ABLIM3: variants seen among roughly 807,000 people sequenced by gnomAD.
The protein encoded by ABLIM3 is actin binding LIM protein family member 3.
A neutral mutation model predicts 109.5 loss-of-function variants in ABLIM3; 61 were observed. The observed-to-expected ratio is 0.56, with a 90% CI of 0.45 to 0.69. The LOEUF is 0.69. Ranked by LOEUF, ABLIM3 falls within the 30% of genes least tolerant of loss-of-function variation. The pLI, the probability that ABLIM3 is intolerant of heterozygous loss-of-function variation, is 0.00. For synonymous variants in ABLIM3, 300 were observed against 324.8 expected (o/e 0.92, Z 0.82); for missense variants, 796 against 889.5 (o/e 0.89, Z 1.34).
At chr5:149,157,049 C>T (rs1011628238) in intron 2 of ABLIM3, among the ~76,000 whole-genome samples, 2 of 152,218 alleles carry the variant, frequency 1.3e-5, no homozygotes, top group African/African-American at 4.8e-5. Context: ...AGGGGTGTTA[C>T]TTCAAATAAG....
At chr5:149,239,580 A>G (rs1473668992) in intron 12 of ABLIM3, among the ~76,000 whole-genome samples, 179 bp from the exon 13 acceptor site, 1 of 152,170 alleles carries the variant, frequency 6.6e-6, no homozygotes, top group Non-Finnish European at 1.5e-5. Flanking sequence ...AAAGCCCTGG[A>G]AATTCTCTGC....
chr5:149,143,500 A>G (rs1408807156), intron 2 of ABLIM3, among the ~76,000 whole-genome samples: 2 of 151,562 alleles, frequency 1.3e-5, no homozygotes, highest in African/African-American at 4.9e-5. Flanking sequence ...AAAACCTACT[A>G]TTTCCTCACA....
At chr5:149,208,724 G>T (rs1245228032) in intron 6 of ABLIM3, among the ~76,000 whole-genome samples, 1 of 152,212 alleles carries the variant, frequency 6.6e-6, no homozygotes, top group African/African-American at 2.4e-5. Context: ...ACTGGGAAGG[G>T]GTGGCTTCCA....
intron 6 of ABLIM3, among the ~76,000 whole-genome samples, chr5:149,208,693 T>C (rs1014885451): frequency 6.6e-6 from 1 of 152,132 alleles, no homozygotes; most frequent in African/African-American, 2.4e-5. Context: ...GAGCAGCCTC[T>C]TGTGACCCAC....
intron 8 of ABLIM3, among the ~76,000 whole-genome samples, chr5:149,227,024 C>G (rs1034150866): frequency 2.1e-5 from 3 of 145,724 alleles, no homozygotes; most frequent in African/African-American, 5.2e-5. Context: ...GAGCCAAGAT[C>G]GTGCCATTGC....
intron 2 of ABLIM3, among the ~76,000 whole-genome samples, chr5:149,145,506 C>A (rs1291567728): frequency 1.3e-5 from 2 of 152,102 alleles, no homozygotes; most frequent in Non-Finnish European, 2.9e-5. Context: ...GGATATATAT[C>A]CAGTAATGGG....
At chr5:149,142,227 C>T (rs1752532227) in intron 2 of ABLIM3, 119 bp downstream of exon 2, 1 of 1,437,630 alleles carries the variant, frequency 7.0e-7, no homozygotes, top group Non-Finnish European at 9.8e-7. Flanking sequence ...ACACATGACC[C>T]CCAGGCTCTT....
intron 2 of ABLIM3, chr5:149,176,856 G>C (rs1201514960): frequency 6.6e-6 from 1 of 152,180 alleles, no homozygotes; most frequent in Non-Finnish European, 1.5e-5. Context: ...ATGACCTCCA[G>C]ACTTAGGATA....
chr5:149,197,291 T>C (rs188570016), intron 3 of ABLIM3, among the ~76,000 whole-genome samples: 4 of 152,322 alleles, frequency 2.6e-5, no homozygotes, highest in Admixed American at 2.0e-4. Context: ...CACTTGCACC[T>C]TCCTGCCTCT....
chr5:149,232,291 G>A (rs1761941160), intron 9 of ABLIM3, among the ~76,000 whole-genome samples: 1 of 152,186 alleles, frequency 6.6e-6, no homozygotes, highest in African/African-American at 2.4e-5. Flanking sequence ...GGATGACAGA[G>A]CGAGACTCTG....
intron 6 of ABLIM3, among the ~76,000 whole-genome samples, chr5:149,208,382 C>A (rs1422506769): frequency 3.8e-5 from 5 of 131,386 alleles, no homozygotes; most frequent in Admixed American, 1.4e-4. Flanking sequence ...CTCTCTCTCT[C>A]TCTCAATTTC....
At chr5:149,249,944 A>T (rs887750900) in intron 19 of ABLIM3, 100 bp downstream of exon 19, 28 of 1,405,560 alleles carry the variant, frequency 2.0e-5, no homozygotes, top group Non-Finnish European at 5.0e-6. Context: ...TACAATGTGG[A>T]TGTCCCAGCC....
intron 8 of ABLIM3, among the ~76,000 whole-genome samples, chr5:149,227,237 A>T (rs1402854044): frequency 6.6e-6 from 1 of 152,240 alleles, no homozygotes; most frequent in Non-Finnish European, 1.5e-5. Flanking sequence ...ACGATTAAAA[A>T]TGGCCTTAAT....
intron 22 of ABLIM3, 61 bp from the exon 23 acceptor site, chr5:149,252,696 C>A: frequency 7.8e-7 from 1 of 1,278,290 alleles, no homozygotes; most frequent in South Asian, 1.2e-5. Context: ...ACAAAATGTA[C>A]CTGAAAGGAA....
At chr5:149,250,293 A>C (rs1373504583) in intron 19 of ABLIM3, among the ~76,000 whole-genome samples, 154 bp from the exon 20 acceptor site, 1 of 152,164 alleles carries the variant, frequency 6.6e-6, no homozygotes, top group African/African-American at 2.4e-5. Context: ...TCAAGTTGCA[A>C]ATCTGGAGAG....
Position 149,146,077 on chromosome 5 carries a change from C to A in ABLIM3, c.13+3969C>A, listed in dbSNP as rs76841203. Among the ~76,000 whole-genome samples the A allele has an allele frequency of 8.1e-3, 1,229 of 152,246 alleles. 89 individuals are homozygous for A. In the East Asian group the frequency reaches 0.15, roughly 19 times the overall value. ...GATTATAGGCATGAGCCACTGTGCC[C>A]AGCCCACTTCTATGTCTTCTTTTGA... On this transcript the variant is annotated intron_variant, in intron 2 of 23. Coordinates refer to ENST00000309868, the MANE Select transcript of ABLIM3 (RefSeq NM_014945.5).
chr5:149,256,998 G>T (rs1310150246), intron 23 of ABLIM3, among the ~76,000 whole-genome samples: 1 of 152,212 alleles, frequency 6.6e-6, no homozygotes, highest in Non-Finnish European at 1.5e-5. Context: ...AATTCTGAAG[G>T]TATGGGGAAA....
chr5:149,217,264 G>A (rs1286935569), intron 8 of ABLIM3: 12 of 584,862 alleles, frequency 2.1e-5, no homozygotes, highest in South Asian at 5.9e-5. Flanking sequence ...TTCCGTCTCT[G>A]TGCACCTCCA....
chr5:149,226,437 T>C (rs28563778), intron 8 of ABLIM3, among the ~76,000 whole-genome samples: 9,202 of 151,900 alleles, frequency 0.061, 912 homozygotes, highest in African/African-American at 0.21. Flanking sequence ...TGAGCCTAGA[T>C]CACACCACTC....
Sources: allele counts gnomAD v4.1 joint callset (sites outside exome capture counted in the v4.1 genomes callset), GRCh38; gene constraint gnomAD v4.1.1; transcripts MANE v1.5; gene names NCBI Gene and HGNC (gene_info 2026-07-23, HGNC 2026-07-21).